The following NINL variants were observed in gnomAD, a reference collection of about 807,000 sequenced individuals.
NINL encodes ninein like, also known as ninein-like protein.
A neutral mutation model predicts 160.3 loss-of-function variants in NINL; 153 were observed. That is an observed-to-expected ratio of 0.95 (90% CI 0.84 to 1.09). NINL has a LOEUF of 1.09. NINL is among the 50% of genes least tolerant of loss of function. The pLI, the probability that NINL is intolerant of heterozygous loss-of-function variation, is 0.00. For missense variants in NINL, 1,829 were observed against 1,764.0 expected (o/e 1.04, Z -0.66); for synonymous variants, 800 against 734.8 (o/e 1.09, Z -1.43).
At chr20:25,547,302 C>T (rs989841264) in intron 1 of NINL, among the ~76,000 whole-genome samples, 1 of 152,188 alleles carries the variant, frequency 6.6e-6, no homozygotes, top group Non-Finnish European at 1.5e-5. Flanking sequence ...TCCACCTCTT[C>T]ATCTGCTGTT....
chr20:25,469,966 G>T (rs778139821), intron 18 of NINL, 25 bp downstream of exon 18: 10 of 1,555,136 alleles, frequency 6.4e-6, no homozygotes, highest in Non-Finnish European at 7.1e-6. Flanking sequence ...CCCCCAGAAG[G>T]TCTGGGTAGG....
intron 1 of NINL, among the ~76,000 whole-genome samples, chr20:25,566,884 T>C (rs2065004068): frequency 6.6e-6 from 1 of 152,168 alleles, no homozygotes; most frequent in Non-Finnish European, 1.5e-5. Context: ...CTGGGTGCAG[T>C]GGCTCACACC....
At chr20:25,513,249 G>A (rs1177262051) in intron 3 of NINL, among the ~76,000 whole-genome samples, 2 of 152,176 alleles carry the variant, frequency 1.3e-5, no homozygotes, top group Admixed American at 6.5e-5. Flanking sequence ...CCTAAACTCT[G>A]TATGCTATTT....
At chr20:25,475,967 A>G in intron 17 of NINL, 76 bp downstream of exon 17, 1 of 1,455,682 alleles carries the variant, frequency 6.9e-7, no homozygotes, top group South Asian at 1.3e-5. Flanking sequence ...TAGCACCATT[A>G]GCAACAGGGG....
At chr20:25,579,227 CT>C (rs916114498) in intron 1 of NINL, among the ~76,000 whole-genome samples, 1 of 152,174 alleles carries the variant, frequency 6.6e-6, no homozygotes, top group Non-Finnish European at 1.5e-5. Context: ...CGGAGCACCC[CT>C]GACCTCCATG....
At position 25,584,832 on chromosome 20, in the gene NINL, G is replaced by C. The variant is rs542290917; in HGVS notation, c.-12+623C>G. Among the ~76,000 whole-genome samples the C allele has an allele frequency of 1.8e-4, 27 of 152,346 alleles. No individual in the cohort carries two copies. The South Asian group carries it at 5.6e-3, about 32-fold the overall frequency. ...GATGATTATGAACCCAACGCGATCA[G>C]AGACTCCCACATGGTGTGTGTGACT... On this transcript the variant is annotated intron_variant, in intron 1 of 23. Transcript: ENST00000278886.
chr20:25,544,038 T>C (rs1019344152), intron 1 of NINL, among the ~76,000 whole-genome samples: 1 of 129,820 alleles, frequency 7.7e-6, no homozygotes, highest in Admixed American at 7.2e-5. Flanking sequence ...TGTGGCCTTG[T>C]AGTGAGCTTC....
At position 25,505,021 on chromosome 20, in the gene NINL, G is replaced by T. The variant is rs2063936177; in HGVS notation, c.575C>A (p.Pro192His). ...DFGSPQKSCS[P>H]SFDTPESQIR... ...CTGGCTCTCTGGGGTGTCAAAGGAG[G>T]GGCTGCAGGACTTCTGGGGGCTCCC... The change falls in exon 6 of 24, where the codon CCC becomes CAC. Residue 192 changes from proline to histidine, a missense_variant. Pro to His is a moderately conservative substitution (Grantham distance 77). Coordinates refer to ENST00000278886, the MANE Select transcript of NINL (RefSeq NM_025176.6). 4.3e-6 allele frequency: 7 copies of T among 1,612,914 alleles called. No homozygotes were observed. In the South Asian group the frequency reaches 6.6e-5, roughly 15 times the overall value.
chr20:25,453,740 A>G lies in NINL; in HGVS notation c.3958-98T>C, dbSNP rs766432312. 6.6e-4 allele frequency: 760 copies of G among 1,155,672 alleles called. 1 individual carries two copies. The highest frequency in any genetic ancestry group is 8.6e-4 in the Non-Finnish European group (713 of 829,142). 71.6% of individuals were successfully genotyped at this position (1,155,672 alleles called of 1,614,324 possible). A position where few individuals can be genotyped will look rare whatever the true frequency, so the allele number is the denominator to read the frequency against. ...ATCCTCCCAGGTTTACGCAAACCAC[A>G]GTTTTGGGCTCTTAGAAATCTGACC... is the stretch of plus-strand genomic sequence containing the variant. On this transcript the variant is annotated intron_variant, in intron 23 of 23. Transcript: ENST00000278886.
rs367823468 is a variant in NINL at position 25,543,164 on chromosome 20, CAG to C, written c.-11-16568_-11-16567del. Among the ~76,000 whole-genome samples, 28 of 152,200 alleles carry C rather than the reference CAG, an allele frequency of 1.8e-4. No individual in the cohort carries two copies. The East Asian group carries it at 5.2e-3, about 28-fold the overall frequency. ...TGTGTAGAAAATCCTAAAGATTACACAGACACACACACCCCCCTCCCAAATAC... is the reference window on the plus strand; with the variant it reads ...TGTGTAGAAAATCCTAAAGATTACACACACACACACCCCCCTCCCAAATAC... On this transcript the variant is annotated intron_variant, in intron 1 of 23. Coordinates refer to ENST00000278886, the MANE Select transcript of NINL (RefSeq NM_025176.6).
rs148249419 is a variant in NINL, at chr20:25,509,623, C to T, written c.517+1051G>A. On this transcript the variant is annotated intron_variant, in intron 5 of 23. Transcript: ENST00000278886. ...CTGCCAGCTTCACACCTGGGTAGTT[C>T]CTTAGAGCTCAGCGTCTGGCCACCA... The T allele has an allele frequency of 2.2e-3, 1,021 of 456,236 alleles. 20 individuals are homozygous for T. Among genetic ancestry groups the T allele is most frequent in the South Asian group, 0.01 (656 of 64,382 alleles). 28.3% of individuals were successfully genotyped at this position (456,236 alleles called of 1,614,324 possible). A position where few individuals can be genotyped will look rare whatever the true frequency, so the allele number is the denominator to read the frequency against.
intron 1 of NINL, among the ~76,000 whole-genome samples, chr20:25,555,410 T>A (rs576955679): frequency 6.6e-6 from 1 of 152,352 alleles, no homozygotes; most frequent in South Asian, 2.1e-4. Context: ...ATACCATGGA[T>A]AATGTTCCAG....
At chr20:25,498,189 C>T in intron 9 of NINL, 21 bp downstream of exon 9, 1 of 1,611,396 alleles carries the variant, frequency 6.2e-7, no homozygotes, top group Non-Finnish European at 8.5e-7. Context: ...CCACGTTCCC[C>T]AGTCCCCTGT....
At chr20:25,466,528 A>G (rs114721449) in intron 19 of NINL, among the ~76,000 whole-genome samples, 2,146 of 152,120 alleles carry the variant, frequency 0.014, 48 homozygotes, top group African/African-American at 0.046. Context: ...AGCCGGGTAC[A>G]GTGGCTCACA....
intron 1 of NINL, among the ~76,000 whole-genome samples, chr20:25,563,669 A>G (rs1261123466): frequency 6.6e-6 from 1 of 152,236 alleles, no homozygotes; most frequent in African/African-American, 2.4e-5. Flanking sequence ...TTCAAATATA[A>G]GTAGAAGGAT....
rs369993576 is a variant in NINL, at chr20:25,469,979, C to T, written c.3353+12G>A. 11 of 1,604,472 alleles carry T rather than the reference C, an allele frequency of 6.9e-6. No homozygotes were observed. Among genetic ancestry groups the T allele is most frequent in the African/African-American group, 4.0e-5 (3 of 74,864 alleles). On this transcript the variant is annotated intron_variant, in intron 18 of 23. Coordinates refer to ENST00000278886, the MANE Select transcript of NINL (RefSeq NM_025176.6). ...CACCCCCAGAAGGTCTGGGTAGGGG[C>T]GTGGCCCTTACCTCTGTGCATCGTG...
At chr20:25,493,461 G>A (rs1036392027) in intron 10 of NINL, among the ~76,000 whole-genome samples, 6 of 152,130 alleles carry the variant, frequency 3.9e-5, no homozygotes, top group East Asian at 1.9e-4. Context: ...AGGAGGGGGC[G>A]TCCAGGGAGA....
intron 2 of NINL, 108 bp downstream of exon 2, chr20:25,526,300 C>G: frequency 9.8e-7 from 1 of 1,024,856 alleles, no homozygotes; most frequent in Non-Finnish European, 1.4e-6. Flanking sequence ...TTGCTAATAA[C>G]TTTCCTTTGA....
chr20:25,477,413 A>T (rs2063285735), intron 16 of NINL, among the ~76,000 whole-genome samples: 1 of 152,194 alleles, frequency 6.6e-6, no homozygotes, highest in Admixed American at 6.5e-5. Context: ...CCACGTTCCA[A>T]GCCCTCAAGG....
Sources: gnomAD v4.1 joint callset for allele counts (sites outside exome capture counted in the v4.1 genomes callset) on GRCh38, gnomAD v4.1.1 for gene constraint, MANE v1.5 for transcripts, NCBI Gene and HGNC (gene_info 2026-07-23, HGNC 2026-07-21) for gene names.